Variants in ARID1B observed in about 807,000 individuals in gnomAD.
ARID1B encodes the protein AT-rich interactive domain-containing protein 1B.
Under a neutral mutation model 212.3 loss-of-function variants are expected in ARID1B, and 30 were observed. The observed-to-expected ratio is 0.14, with a 90% CI of 0.11 to 0.19. The LOEUF (loss-of-function observed/expected upper bound fraction) is 0.19. ARID1B is among the 10% of genes least tolerant of loss of function. ARID1B has a pLI of 1.00. For missense variants in ARID1B, 2,891 were observed against 3,204.0 expected (o/e 0.90, Z 2.36); for synonymous variants, 1,402 against 1,301.7 (o/e 1.08, Z -1.66).
At chr6:156,908,099 C>T (rs561094438) in intron 3 of ARID1B, among the ~76,000 whole-genome samples, 32 of 152,228 alleles carry the variant, frequency 2.1e-4, no homozygotes, top group African/African-American at 6.7e-4. Context: ...TGAGGTCTTG[C>T]TCTACTGCCC....
intron 1 of ARID1B, among the ~76,000 whole-genome samples, chr6:156,820,334 T>C (rs1485140693): frequency 6.6e-6 from 1 of 152,130 alleles, no homozygotes; most frequent in African/African-American, 2.4e-5. Context: ...GGCCATGTGG[T>C]ATTGAGGAAG....
At chr6:156,860,066 G>A (rs1785221003) in intron 2 of ARID1B, among the ~76,000 whole-genome samples, 1 of 152,222 alleles carries the variant, frequency 6.6e-6, no homozygotes, top group African/African-American at 2.4e-5. Flanking sequence ...CAGTTTGTTA[G>A]TGGATAAGTC....
intron 5 of ARID1B, among the ~76,000 whole-genome samples, chr6:157,103,481 G>C (rs770514764): frequency 1.3e-5 from 2 of 152,102 alleles, no homozygotes; most frequent in Non-Finnish European, 2.9e-5. Context: ...CCACCATCTT[G>C]TTCTATGAAG....
intron 7 of ARID1B, among the ~76,000 whole-genome samples, chr6:157,145,937 T>C (rs1269861772): frequency 6.6e-6 from 1 of 152,184 alleles, no homozygotes; most frequent in Non-Finnish European, 1.5e-5. Context: ...ATAGTAAATG[T>C]TAAGTGTTTG....
intron 4 of ARID1B, among the ~76,000 whole-genome samples, chr6:157,028,660 T>C (rs530103057): frequency 6.6e-6 from 1 of 152,324 alleles, no homozygotes; most frequent in African/African-American, 2.4e-5. Context: ...AGGTATAGTG[T>C]TCTTAATGCC....
At chr6:157,069,365 T>C (rs2128425473) in intron 4 of ARID1B, among the ~76,000 whole-genome samples, 1 of 152,324 alleles carries the variant, frequency 6.6e-6, no homozygotes, top group Non-Finnish European at 1.5e-5. Context: ...TGGCCTCTCA[T>C]TGTCAACTGT....
chr6:157,199,107 C>G lies in ARID1B; in HGVS notation c.4479+200C>G, dbSNP rs977812941. ...CAAATTAAAAATAACTCTTGATACA[C>G]GGTTTCTTGAAACACATATGACCTG... On this transcript the variant is annotated intron_variant, in intron 17 of 19. Transcript: ENST00000636930. Among the ~76,000 whole-genome samples, 7 of 152,198 alleles carry G rather than the reference C, an allele frequency of 4.6e-5. 1 individual carries two copies. The South Asian group carries it at 1.4e-3, about 32-fold the overall frequency.
Position 157,203,762 on chromosome 6 carries a change from TTTAAC to T in ARID1B, c.5264-98_5264-94del. ...TGAGAGCATTTGTTTAAAGTCAATA[TTTAAC>T]TTAACACTCCACTTATTTTTTCTTA... On this transcript the variant is annotated intron_variant, in intron 18 of 19. Transcript: ENST00000636930. This position sits in a 1 kb window ranked among gnomAD's most constrained non-coding sequence, Gnocchi z 4.4. 2.9e-6 allele frequency: 4 copies of T among 1,391,272 alleles called. No individual in the cohort carries two copies. The highest frequency in any genetic ancestry group is 4.0e-6 in the Non-Finnish European group (4 of 996,198). The allele number at this position is 1,391,272 out of a possible 1,614,324, so 86.2% of individuals were successfully genotyped here. A position where few individuals can be genotyped will look rare whatever the true frequency, so the allele number is the denominator to read the frequency against.
At chr6:156,811,281 G>A (rs1473136750) in intron 1 of ARID1B, among the ~76,000 whole-genome samples, 2 of 152,130 alleles carry the variant, frequency 1.3e-5, no homozygotes, top group African/African-American at 2.4e-5. Context: ...TTCTTAGTTA[G>A]ATGCCAGTCA....
intron 4 of ARID1B, among the ~76,000 whole-genome samples, chr6:156,977,615 TC>T (rs1325707203): frequency 8.5e-5 from 13 of 152,332 alleles, no homozygotes; most frequent in African/African-American, 3.1e-4. Flanking sequence ...GACTTTCAGT[TC>T]CATTGTCTTT....
intron 1 of ARID1B, among the ~76,000 whole-genome samples, chr6:156,801,604 A>G (rs1048152242): frequency 1.3e-5 from 2 of 151,934 alleles, no homozygotes; most frequent in Admixed American, 1.3e-4. Context: ...ACAAGGAAAG[A>G]TTTTTTCCTC....
chr6:157,162,424 G>A (rs1262448438), intron 8 of ARID1B, among the ~76,000 whole-genome samples: 4 of 152,162 alleles, frequency 2.6e-5, no homozygotes, highest in African/African-American at 9.7e-5. Flanking sequence ...CCTTTGTTGG[G>A]ATATGAATAT....
intron 7 of ARID1B, among the ~76,000 whole-genome samples, chr6:157,140,357 C>T (rs1789257646): frequency 6.6e-6 from 1 of 152,084 alleles, no homozygotes; most frequent in African/African-American, 2.4e-5. Context: ...GTAATCCCAG[C>T]TACTCAGGAG....
intron 4 of ARID1B, among the ~76,000 whole-genome samples, chr6:156,966,112 T>G (rs1794722793): frequency 6.6e-6 from 1 of 152,224 alleles, no homozygotes; most frequent in Non-Finnish European, 1.5e-5. Flanking sequence ...TTTATCTGTA[T>G]GTACTGCTAA....
intron 1 of ARID1B, among the ~76,000 whole-genome samples, chr6:156,826,142 T>C (rs1020098907): frequency 2.0e-5 from 3 of 152,176 alleles, no homozygotes; most frequent in Non-Finnish European, 4.4e-5. Flanking sequence ...TATCACATGG[T>C]GAATTTTGAG....
At chr6:156,971,541 A>C (rs1483679338) in intron 4 of ARID1B, among the ~76,000 whole-genome samples, 1 of 152,170 alleles carries the variant, frequency 6.6e-6, no homozygotes, top group African/African-American at 2.4e-5. Context: ...TTGGAGGCTT[A>C]AAACAACATC....
intron 4 of ARID1B, among the ~76,000 whole-genome samples, chr6:156,997,653 T>TA (rs1224065817): frequency 6.7e-5 from 10 of 148,366 alleles, no homozygotes; most frequent in African/African-American, 2.6e-4. Flanking sequence ...ACTTGCATTT[T>TA]AACTTGTTTT....
chr6:156,830,812 G>T (rs1783093411), intron 2 of ARID1B, among the ~76,000 whole-genome samples: 1 of 151,944 alleles, frequency 6.6e-6, no homozygotes, highest in Non-Finnish European at 1.5e-5. Context: ...ATAAAATGTT[G>T]TCTTTCCTCT....
In ARID1B at chr6:156,964,741, A is replaced by T. The variant is rs535925981; in HGVS notation, c.2247+29165A>T. On this transcript the variant is annotated intron_variant, in intron 4 of 19. Transcript: ENST00000636930. ...AAAAATTTATTTTCATTAATATTTT[A>T]GCATGATTTAACACTAAGGTTATTA... Among the ~76,000 whole-genome samples, 5 of 152,336 alleles carry T rather than the reference A, an allele frequency of 3.3e-5. No homozygotes were observed. The East Asian group carries it at 9.6e-4, about 29-fold the overall frequency.
Sources: allele counts gnomAD v4.1 joint callset (sites outside exome capture counted in the v4.1 genomes callset), GRCh38; gene constraint gnomAD v4.1.1; non-coding constraint Gnocchi (gnomAD v3.1); transcripts MANE v1.5; gene names NCBI Gene and HGNC (gene_info 2026-07-23, HGNC 2026-07-21).